DDB2: variants seen among roughly 807,000 people sequenced by gnomAD.
DDB2 encodes damage specific DNA binding protein 2.
In DDB2, 27 loss-of-function variants were observed where a neutral mutation model predicts 50.5. The ratio of observed to expected loss-of-function variants is 0.53; its 90% CI spans 0.39 to 0.74. DDB2 has a LOEUF of 0.74. DDB2 is among the 30% of genes least tolerant of loss of function. The pLI, the probability that DDB2 is intolerant of heterozygous loss-of-function variation, is 0.00. For missense variants in DDB2, 424 were observed against 545.6 expected, an observed-to-expected ratio of 0.78 and a Z score of 2.22; for synonymous variants, 176 against 205.5, an observed-to-expected ratio of 0.86 and a Z score of 1.23.
rs779659936 is a variant in DDB2 at position 47,234,658 on chromosome 11, A to G, written c.688A>G (p.Met230Val). ...CGTGGGGAACGTGATCCTGCTGAAC[A>G]TGGACGGCAAAGAGGTGCGTTCTCC... is the stretch of plus-strand genomic sequence containing the variant. ...DNVGNVILLN[M>V]DGKELWNLRM... The change falls in exon 5 of 10, where the codon ATG (methionine) becomes GTG (valine). Residue 230 changes from methionine (M) to valine (V), a missense_variant. Coordinates refer to ENST00000256996, the MANE Select transcript of DDB2 (RefSeq NM_000107.3). The G allele has an allele frequency of 7.4e-6, 12 of 1,614,012 alleles. No individual in the cohort carries two copies. The highest frequency in any genetic ancestry group is 1.1e-5 in the South Asian group (1 of 91,094).
chr11:47,219,009 A>G (rs1953443437), intron 3 of DDB2, among the ~76,000 whole-genome samples: 1 of 152,048 alleles, frequency 6.6e-6, no homozygotes, highest in Non-Finnish European at 1.5e-5. Flanking sequence ...CAGTGGCGCA[A>G]TCTTGGCTCA....
At position 47,238,200 on chromosome 11, in the gene DDB2, T is replaced by C; in HGVS notation, c.1234+17T>C. 6.2e-7 allele frequency: 1 copy of C among 1,603,248 alleles called. No homozygotes were observed. Among genetic ancestry groups the C allele is most frequent in the Non-Finnish European group, 8.5e-7 (1 of 1,174,064 alleles). ...CTGCAATGGGTGAGTAGGAGGAGAATGTCTCTGACTTGCCAAGTCCGATCC... is the reference window on the plus strand; with the variant it reads ...CTGCAATGGGTGAGTAGGAGGAGAACGTCTCTGACTTGCCAAGTCCGATCC... On this transcript the variant is annotated intron_variant, in intron 9 of 9. Transcript: ENST00000256996.
chr11:47,220,032 G>A (rs1345829477), intron 3 of DDB2, among the ~76,000 whole-genome samples: 1 of 152,018 alleles, frequency 6.6e-6, no homozygotes, highest in Non-Finnish European at 1.5e-5. Context: ...CTCGTGATCC[G>A]CCCGCCTCGA....
chr11:47,220,917 T>C (rs1163060558), intron 3 of DDB2, among the ~76,000 whole-genome samples: 1 of 152,292 alleles, frequency 6.6e-6, no homozygotes, highest in Non-Finnish European at 1.5e-5. Flanking sequence ...CCCAGCACTT[T>C]GGGAGGCCGA....
At chr11:47,215,930 G>T in intron 1 of DDB2, 1 of 316,188 alleles carries the variant, frequency 3.2e-6, no homozygotes, top group Non-Finnish European at 6.1e-6. Context: ...TTCCTAAACG[G>T]TGACTTCTGC....
intron 9 of DDB2, 133 bp downstream of exon 9, chr11:47,238,316 C>T (rs1953773867): frequency 1.2e-6 from 1 of 826,182 alleles, no homozygotes; most frequent in Non-Finnish European, 2.0e-6. Flanking sequence ...GGCTGGGAGA[C>T]AGTGGTCTCT....
At chr11:47,231,524 T>A (rs4647735) in intron 3 of DDB2, among the ~76,000 whole-genome samples, 13,139 of 151,714 alleles carry the variant, frequency 0.087, 594 homozygotes, top group South Asian at 0.12. Context: ...TTTTTAATTT[T>A]ATTTTATTTT....
At position 47,238,885 on chromosome 11, in the gene DDB2, T is replaced by C. The variant is rs1261719779; in HGVS notation, c.*36T>C. 1.9e-6 allele frequency: 3 copies of C among 1,608,818 alleles called. No individual in the cohort carries two copies. The highest frequency in any genetic ancestry group is 1.3e-5 in the African/African-American group (1 of 74,756). On this transcript the variant is annotated 3_prime_UTR_variant, in exon 10 of 10. Coordinates refer to ENST00000256996, the MANE Select transcript of DDB2 (RefSeq NM_000107.3). ...AGAAGGTGTGGGCCAGACAAGGCCT[T>C]GGAGCCCACACATGGGATCAAGTCC...
At chr11:47,224,173 T>A (rs1263738178) in intron 3 of DDB2, among the ~76,000 whole-genome samples, 3 of 152,214 alleles carry the variant, frequency 2.0e-5, no homozygotes, top group Non-Finnish European at 4.4e-5. Flanking sequence ...TTCTGGTCGC[T>A]TTAAAAATGA....
At chr11:47,231,685 A>C (rs1953652148) in intron 3 of DDB2, among the ~76,000 whole-genome samples, 1 of 151,766 alleles carries the variant, frequency 6.6e-6, no homozygotes, top group Non-Finnish European at 1.5e-5. Context: ...ACCATGTCTA[A>C]ATTTTTTTTG....
chr11:47,234,550 T>C (rs1417637920), intron 4 of DDB2, 23 bp from the exon 5 acceptor site: 2 of 1,603,370 alleles, frequency 1.2e-6, no homozygotes, highest in African/African-American at 2.7e-5. Context: ...CCAAGAATCT[T>C]ACAACACAGT....
chr11:47,233,354 T>A (rs971884432), intron 4 of DDB2: 11 of 292,694 alleles, frequency 3.8e-5, no homozygotes, highest in Non-Finnish European at 6.7e-5. Context: ...GAAGCTTATA[T>A]GGATGGAATC....
At chr11:47,228,977 ATATCTATC>A (rs59098720) in intron 3 of DDB2, among the ~76,000 whole-genome samples, 23,536 of 124,580 alleles carry the variant, frequency 0.19, 2,422 homozygotes, top group East Asian at 0.5. Flanking sequence ...AAAAAAAGAA[ATATCTATC>A]TATCTATCTA....
intron 3 of DDB2, among the ~76,000 whole-genome samples, chr11:47,219,181 G>A (rs1953445683): frequency 6.6e-6 from 1 of 152,190 alleles, no homozygotes; most frequent in Non-Finnish European, 1.5e-5. Flanking sequence ...CTGACCTTGT[G>A]ATCTGCCTGC....
chr11:47,224,353 C>A lies in DDB2; in HGVS notation c.456+7304C>A, dbSNP rs556596767. On this transcript the variant is annotated intron_variant, in intron 3 of 9. Transcript: ENST00000256996. ...AGCGATTCTCCCTGCCTCAGCCTCC[C>A]GAGTAGCTGGGATTACAGGTGCCCA... Among the ~76,000 whole-genome samples the A allele has an allele frequency of 4.8e-4, 73 of 152,148 alleles. 3 individuals carry two copies. In the South Asian group the frequency reaches 0.014, roughly 30 times the overall value.
At chr11:47,233,393 A>G (rs1250183147) in intron 4 of DDB2, 1 of 239,808 alleles carries the variant, frequency 4.2e-6, no homozygotes, top group Non-Finnish European at 8.4e-6. Flanking sequence ...GGACTTCCCA[A>G]GAGAAAGTGG....
At chr11:47,229,019 A>G (rs1953605631) in intron 3 of DDB2, among the ~76,000 whole-genome samples, 1 of 143,386 alleles carries the variant, frequency 7.0e-6, no homozygotes, top group African/African-American at 2.6e-5. Flanking sequence ...CTATCTATCT[A>G]TCTTCCTCTT....
chr11:47,237,762 G>C, intron 7 of DDB2, 75 bp from the exon 8 acceptor site: 1 of 1,464,186 alleles, frequency 6.8e-7, no homozygotes, highest in Non-Finnish European at 9.6e-7. Flanking sequence ...GTTCCTCTTT[G>C]TTCATATTTG....
At position 47,235,338 on chromosome 11, in the gene DDB2, G is replaced by T; in HGVS notation, c.949G>T (p.Ala317Ser). 1.2e-6 allele frequency: 2 copies of T among 1,614,178 alleles called. No individual in the cohort carries two copies. Among genetic ancestry groups the T allele is most frequent in the Non-Finnish European group, 1.7e-6 (2 of 1,180,042 alleles). Residue 317 changes from alanine (A) to serine (S), a missense_variant, in exon 7 of 10, where the codon GCT (alanine) becomes TCT (serine). By Grantham distance (99) the Ala-to-Ser change is moderately conservative. Transcript: ENST00000256996. ...GAAGAGCGAGATCCGAGTTTACTCT[G>T]CTTCCCAGTGGGACTGCCCCCTGGG... Reference protein sequence around the residue: ...DQKSEIRVYSASQWDCPLGLI... With the variant: ...DQKSEIRVYSSSQWDCPLGLI...
Sources: allele counts gnomAD v4.1 joint callset (sites outside exome capture counted in the v4.1 genomes callset), GRCh38; gene constraint gnomAD v4.1.1; transcripts MANE v1.5; gene names NCBI Gene and HGNC (gene_info 2026-07-23, HGNC 2026-07-21).